Variants in FHIP2B observed in about 807,000 individuals in gnomAD.
FHIP2B encodes the protein FHF complex subunit HOOK-interacting protein 2B.
Under a neutral mutation model 84.0 loss-of-function variants are expected in FHIP2B, and 72 were observed. The ratio of observed to expected loss-of-function variants is 0.86; its 90% CI spans 0.71 to 1.04. The LOEUF is 1.04. Among genes scored for constraint, FHIP2B ranks in the 50% least tolerant of loss-of-function variants. The pLI is 0.00. For synonymous variants in FHIP2B, 497 were observed against 418.7 expected, an observed-to-expected ratio of 1.19 and a Z score of -2.28; for missense variants, 972 against 968.9, an observed-to-expected ratio of 1.00 and a Z score of -0.04.
At chr8:22,096,690 C>G (rs985767931) in intron 3 of FHIP2B, 181 bp downstream of exon 3, 1 of 822,544 alleles carries the variant, frequency 1.2e-6, no homozygotes. Context: ...GATTCCAGGC[C>G]TTTCTGCCTA....
At chr8:22,097,876 C>T (rs763298686) in intron 5 of FHIP2B, 37 bp downstream of exon 5, 1 of 1,603,618 alleles carries the variant, frequency 6.2e-7, no homozygotes, top group Non-Finnish European at 8.5e-7. Flanking sequence ...GGGGAGGGCC[C>T]AGAACCCCAG....
At chr8:22,094,932 A>G (rs1306055078) in intron 2 of FHIP2B, 8 of 1,066,962 alleles carry the variant, frequency 7.5e-6, no homozygotes, top group African/African-American at 1.7e-5. Flanking sequence ...CTTAGGGGCA[A>G]TGTCCTTGTA....
At chr8:22,096,760 G>A (rs1185046146) in intron 3 of FHIP2B, 1 of 451,058 alleles carries the variant, frequency 2.2e-6, no homozygotes, top group African/African-American at 2.0e-5. Context: ...AAACAGGACG[G>A]GCACTGTGGC....
Position 22,094,473 on chromosome 8 carries a change from G to C in FHIP2B, c.79G>C (p.Val27Leu). 1.9e-6 allele frequency: 3 copies of C among 1,611,614 alleles called. No homozygotes were observed. The highest frequency in any genetic ancestry group is 2.5e-6 in the Non-Finnish European group (3 of 1,178,976). ...EPSIDLLQAF[V>L]EHWKGITHYY... ...CAGCATTGACCTGCTGCAGGCCTTCGTGGAGCACTGGAAGGGCATCACGCA... is the reference window on the plus strand; with the variant it reads ...CAGCATTGACCTGCTGCAGGCCTTCCTGGAGCACTGGAAGGGCATCACGCA... The change falls in exon 2 of 17, where the codon GTG becomes CTG. Residue 27 changes from valine (V) to leucine (L), a missense_variant. Val to Leu is a conservative substitution (Grantham distance 32). Transcript: ENST00000289921.
At position 22,102,865 on chromosome 8, in the gene FHIP2B, C is replaced by T. The variant is rs1826205622; in HGVS notation, c.2166C>T (p.Ala722=). 1 of 1,613,768 alleles carries T rather than the reference C, an allele frequency of 6.2e-7. No homozygotes were observed. Among genetic ancestry groups the T allele is most frequent in the Non-Finnish European group, 8.5e-7 (1 of 1,179,844 alleles). The change falls in exon 17 of 17, where the codon GCC becomes GCT. Residue 722 remains alanine (A), a synonymous_variant. Coordinates refer to ENST00000289921, the MANE Select transcript of FHIP2B (RefSeq NM_022749.7). The part of the protein sequence containing the change: ...EEFCKELAAI[A]FVKFPPHDPR... ...TCTGCAAGGAGCTGGCTGCCATTGC[C>T]TTCGTCAAGTTTCCCCCACATGATC... is the stretch of plus-strand genomic sequence containing the variant.
intron 1 of FHIP2B, 119 bp from the exon 2 acceptor site, chr8:22,094,321 G>A: frequency 1.2e-6 from 1 of 861,658 alleles, no homozygotes; most frequent in Non-Finnish European, 1.7e-6. Flanking sequence ...CAGGGAGCAG[G>A]GTGCCTCCTC....
At chr8:22,093,016 T>C (rs1825575764) in intron 1 of FHIP2B, among the ~76,000 whole-genome samples, 1 of 152,182 alleles carries the variant, frequency 6.6e-6, no homozygotes, top group Non-Finnish European at 1.5e-5. Flanking sequence ...TTGTACATAG[T>C]GGGCACTTAG....
chr8:22,095,836 G>C (rs1352194463), intron 2 of FHIP2B: 1 of 152,642 alleles, frequency 6.6e-6, no homozygotes, highest in Non-Finnish European at 1.5e-5. Flanking sequence ...CAGACCTGAA[G>C]GTGGTGGCAC....
intron 1 of FHIP2B, 87 bp from the exon 2 acceptor site, chr8:22,094,353 C>G (rs938067900): frequency 2.2e-6 from 3 of 1,378,122 alleles, no homozygotes; most frequent in Non-Finnish European, 2.9e-6. Flanking sequence ...TAGCATGAAC[C>G]TGACACTCAG....
At chr8:22,093,871 C>G (rs1825629932) in intron 1 of FHIP2B, among the ~76,000 whole-genome samples, 1 of 151,930 alleles carries the variant, frequency 6.6e-6, no homozygotes, top group Admixed American at 6.6e-5. Flanking sequence ...GCAGACACCA[C>G]CACGTCCTGC....
intron 9 of FHIP2B, 49 bp downstream of exon 9, chr8:22,099,409 C>T (rs749899460): frequency 2.5e-6 from 4 of 1,577,376 alleles, no homozygotes; most frequent in Non-Finnish European, 3.5e-6. Flanking sequence ...AGTAAACCAC[C>T]TACCCCACCC....
At position 22,099,052 on chromosome 8, in the gene FHIP2B, A is replaced by C; in HGVS notation, c.1070A>C (p.His357Pro). The C allele has an allele frequency of 9.4e-6, 15 of 1,599,572 alleles. No homozygotes were observed. Among genetic ancestry groups the C allele is most frequent in the Non-Finnish European group, 1.3e-5 (15 of 1,172,462 alleles). The stretch of plus-strand genomic sequence containing the variant: ...TGCGACCACCTCATCACAGAGGCAC[A>C]CACGGTGAGCAGGGGCGGGCGGAGG... ...DYCDHLITEAHTVVADALAKA... is the reference protein window; with the variant it reads ...DYCDHLITEAPTVVADALAKA... The change falls in exon 8 of 17, where the codon CAC becomes CCC. Residue 357 changes from histidine (H) to proline (P), a missense_variant. Transcript: ENST00000289921.
At chr8:22,089,627 T>G (rs1586304836) in intron 1 of FHIP2B, 1 of 417,406 alleles carries the variant, frequency 2.4e-6, no homozygotes, top group Non-Finnish European at 4.2e-6. Context: ...CCGCTTGGGG[T>G]GTTTCCTGCC....
chr8:22,089,645 G>A (rs1213223875), intron 1 of FHIP2B: 8 of 556,014 alleles, frequency 1.4e-5, no homozygotes, highest in Non-Finnish European at 2.3e-5. Context: ...GCCCCCCGGG[G>A]CCCTAGGCCG....
chr8:22,100,436 A>C (rs1586341000), intron 10 of FHIP2B, 158 bp from the exon 11 acceptor site: 1 of 698,810 alleles, frequency 1.4e-6, no homozygotes, highest in African/African-American at 1.9e-5. Flanking sequence ...TCCTAGGCCC[A>C]CACCCCCCAA....
rs1217077987 is a variant in FHIP2B at position 22,089,298 on chromosome 8, G to T, written c.45G>T (p.Ala15=). The change falls in exon 1 of 17, where the codon GCG becomes GCT. Residue 15 remains alanine (A), a splice_region_variant and synonymous_variant. Coordinates refer to ENST00000289921, the MANE Select transcript of FHIP2B (RefSeq NM_022749.7). ...LGALLQEAVG[A]REPSIDLLQA... ...CGCTGCTGCAGGAAGCCGTGGGGGC[G>T]GTGAGGCCGGCAGGGCCGGGCCGGG... 9.7e-7 allele frequency: 1 copy of T among 1,029,224 alleles called. No individual in the cohort carries two copies. The highest frequency in any genetic ancestry group is 1.2e-6 in the Non-Finnish European group (1 of 860,072). The allele number at this position is 1,029,224 out of a possible 1,614,324, so 63.8% of individuals were successfully genotyped here. A position where few individuals can be genotyped will look rare whatever the true frequency, so the allele number is the denominator to read the frequency against.
At position 22,089,308 on chromosome 8, in the gene FHIP2B, G is replaced by T; in HGVS notation, c.45+10G>T. The T allele has an allele frequency of 9.8e-7, 1 of 1,018,326 alleles. No homozygotes were observed. The highest frequency in any genetic ancestry group is 4.5e-5 in the South Asian group (1 of 22,418). 63.1% of individuals were successfully genotyped at this position (1,018,326 alleles called of 1,614,324 possible). A position where few individuals can be genotyped will look rare whatever the true frequency, so the allele number is the denominator to read the frequency against. On this transcript the variant is annotated intron_variant, in intron 1 of 16. Coordinates refer to ENST00000289921, the MANE Select transcript of FHIP2B (RefSeq NM_022749.7). The stretch of plus-strand genomic sequence containing the variant: ...GGAAGCCGTGGGGGCGGTGAGGCCG[G>T]CAGGGCCGGGCCGGGCCGCCGGGAG...
At position 22,103,107 on chromosome 8, in the gene FHIP2B, G is replaced by A; in HGVS notation, c.*176G>A. 3.6e-6 allele frequency: 3 copies of A among 840,266 alleles called. No individual in the cohort carries two copies. The highest frequency in any genetic ancestry group is 1.8e-5 in the South Asian group (1 of 54,718). 52.1% of individuals were successfully genotyped at this position (840,266 alleles called of 1,614,324 possible). On this transcript the variant is annotated 3_prime_UTR_variant, in exon 17 of 17. Coordinates refer to ENST00000289921, the MANE Select transcript of FHIP2B (RefSeq NM_022749.7). ...GGGTTTCAGGGAATGGGCATGCCAG[G>A]TGCCAAGGAGCCAAACAGATGGCTT...
Position 22,100,632 on chromosome 8 carries a change from G to A in FHIP2B, c.1380G>A (p.Leu460=). The change falls in exon 11 of 17, where the codon CTG becomes CTA. Residue 460 remains leucine (L), a synonymous_variant. Coordinates refer to ENST00000289921, the MANE Select transcript of FHIP2B (RefSeq NM_022749.7). ...ITTLRLFEEL[L]QKPHEGIIHS... ...CACTCCGGCTGTTTGAGGAGCTGCT[G>A]CAGAAGCCCCACGAGGGGATCATCC... The A allele has an allele frequency of 1.3e-6, 2 of 1,591,858 alleles. No individual in the cohort carries two copies. Among genetic ancestry groups the A allele is most frequent in the East Asian group, 2.2e-5 (1 of 44,574 alleles).
Sources: allele counts gnomAD v4.1 joint callset (sites outside exome capture counted in the v4.1 genomes callset), GRCh38; gene constraint gnomAD v4.1.1; transcripts MANE v1.5; gene names NCBI Gene and HGNC (gene_info 2026-07-23, HGNC 2026-07-21).